Variants in TMEM168 observed in about 807,000 individuals in gnomAD.
TMEM168 encodes transmembrane protein 168.
TMEM168 carries 40 observed loss-of-function variants against 53.2 expected under a neutral mutation model. That is an observed-to-expected ratio of 0.75 (90% confidence interval 0.58 to 0.98). The LOEUF is 0.98. Ranked by LOEUF, TMEM168 falls within the 50% of genes least tolerant of loss-of-function variation. TMEM168 has a pLI of 0.00. For synonymous variants in TMEM168, 282 were observed against 293.0 expected (o/e 0.96, Z 0.38); for missense variants, 771 against 828.8 (o/e 0.93, Z 0.86).
chr7:112,774,161 G>T (rs983565114), intron 3 of TMEM168, among the ~76,000 whole-genome samples: 3 of 152,040 alleles, frequency 2.0e-5, no homozygotes, highest in South Asian at 2.1e-4. Context: ...TTATGGCAAA[G>T]AATTATTTTA....
At chr7:112,781,160 A>G (rs886607641) in intron 2 of TMEM168, among the ~76,000 whole-genome samples, 1 of 152,098 alleles carries the variant, frequency 6.6e-6, no homozygotes, top group African/African-American at 2.4e-5. Flanking sequence ...AAGCAAGTAG[A>G]CAATTCAGGA....
Position 112,767,190 on chromosome 7 carries a change from G to GA in TMEM168, c.*6_*7insT, listed in dbSNP as rs1562858798. ...GTGCTTATTAATATCCCGCTTTGGG[G>GA]TCCAAATTAAGATTTGACAAGTTTG... On this transcript the variant is annotated 3_prime_UTR_variant, in exon 5 of 5. Coordinates refer to ENST00000312814, the MANE Select transcript of TMEM168 (RefSeq NM_022484.6). 2 of 1,603,154 alleles carry GA rather than the reference G, an allele frequency of 1.2e-6. No individual in the cohort carries two copies. The highest frequency in any genetic ancestry group is 1.7e-6 in the Non-Finnish European group (2 of 1,174,934).
At chr7:112,785,273 GC>G (rs1793347697) in intron 1 of TMEM168, among the ~76,000 whole-genome samples, 1 of 152,144 alleles carries the variant, frequency 6.6e-6, no homozygotes, top group African/African-American at 2.4e-5. Context: ...TGAAATGTTC[GC>G]TTTAGCTTAG....
intron 2 of TMEM168, 96 bp downstream of exon 2, chr7:112,783,602 G>T: frequency 1.6e-6 from 2 of 1,215,356 alleles, no homozygotes; most frequent in Non-Finnish European, 2.2e-6. Flanking sequence ...ATATCCTTTT[G>T]AAATCAGGAA....
intron 2 of TMEM168, among the ~76,000 whole-genome samples, chr7:112,781,285 T>C (rs1793225438): frequency 6.6e-6 from 1 of 152,176 alleles, no homozygotes; most frequent in Non-Finnish European, 1.5e-5. Flanking sequence ...ATATTTATAG[T>C]ACACTGTACC....
At chr7:112,782,085 C>T (rs1793247149) in intron 2 of TMEM168, among the ~76,000 whole-genome samples, 1 of 152,076 alleles carries the variant, frequency 6.6e-6, no homozygotes, top group Non-Finnish European at 1.5e-5. Flanking sequence ...AATATTTAAA[C>T]AACAAAGTAA....
intron 3 of TMEM168, 35 bp downstream of exon 3, chr7:112,775,141 G>A: frequency 6.6e-7 from 1 of 1,522,430 alleles, no homozygotes; most frequent in Non-Finnish European, 8.8e-7. Flanking sequence ...GTTATGAAGT[G>A]AATAGTTATC....
intron 4 of TMEM168, among the ~76,000 whole-genome samples, chr7:112,769,133 G>T (rs1183832257): frequency 6.6e-6 from 1 of 152,168 alleles, no homozygotes; most frequent in Non-Finnish European, 1.5e-5. Context: ...GACACCACCA[G>T]AGAGAGAATC....
At position 112,775,232 on chromosome 7, in the gene TMEM168, G is replaced by C; in HGVS notation, c.1215C>G (p.Asn405Lys). 6.2e-6 allele frequency: 10 copies of C among 1,613,736 alleles called. No individual in the cohort carries two copies. The highest frequency in any genetic ancestry group is 8.5e-6 in the Non-Finnish European group (10 of 1,179,868). The change falls in exon 3 of 5, where the codon AAC (asparagine) becomes AAG (lysine). Residue 405 changes from asparagine (N) to lysine (K), a missense_variant. Physicochemically the swap from Asn to Lys is moderately conservative, Grantham distance 94. Transcript: ENST00000312814. ...ATCCAACAGATGTTCCTCCTAAACAGTTACCCAATTCATGGAAGAGCCCAT... is the reference window on the plus strand; with the variant it reads ...ATCCAACAGATGTTCCTCCTAAACACTTACCCAATTCATGGAAGAGCCCAT... ...MAHGLFHELG[N>K]CLGGTSVGYA...
chr7:112,767,890 T>G (rs1228675709), intron 4 of TMEM168, 146 bp from the exon 5 acceptor site: 3 of 628,574 alleles, frequency 4.8e-6, no homozygotes, highest in Non-Finnish European at 7.7e-6. Context: ...AGCAAAAAAA[T>G]AAAGTATTTA....
chr7:112,781,100 A>G (rs1426716834), intron 2 of TMEM168, among the ~76,000 whole-genome samples: 1 of 152,032 alleles, frequency 6.6e-6, no homozygotes, highest in Non-Finnish European at 1.5e-5. Flanking sequence ...TACCTCTAGG[A>G]ACAGTGCTTC....
rs755007793 is a variant in TMEM168 at position 112,773,061 on chromosome 7, G to A, written c.1272-6C>T. 3 of 1,586,034 alleles carry A rather than the reference G, an allele frequency of 1.9e-6. No individual in the cohort carries two copies. The East Asian group carries it at 6.8e-5, about 36-fold the overall frequency. The stretch of plus-strand genomic sequence containing the variant: ...GTGTTGGCTGACCATCAGGACTGAA[G>A]TAGGAGAAAAAACAAGAAGTACTCA... On this transcript the variant is annotated splice_polypyrimidine_tract_variant and splice_region_variant and intron_variant, in intron 3 of 4. Transcript: ENST00000312814.
At chr7:112,774,359 AT>A (rs558123531) in intron 3 of TMEM168, among the ~76,000 whole-genome samples, 1,208 of 94,248 alleles carry the variant, frequency 0.013, 5 homozygotes, top group African/African-American at 0.029. Flanking sequence ...GTGTTTTTAC[AT>A]TTTTTTTTTT....
At chr7:112,780,954 A>C (rs185915568) in intron 2 of TMEM168, among the ~76,000 whole-genome samples, 5 of 151,670 alleles carry the variant, frequency 3.3e-5, no homozygotes, top group East Asian at 1.9e-4. Context: ...AAAAAAAAAA[A>C]AAAAAAAAAA....
rs138251863 is a variant in TMEM168, at chr7:112,775,217, T to A, written c.1230A>T (p.Thr410=). ...GAATCACAATAGCATATCCAACAGA[T>A]GTTCCTCCTAAACAGTTACCCAATT... ...FHELGNCLGG[T]SVGYAIVIPT... The change falls in exon 3 of 5, where the codon ACA becomes ACT. Residue 410 remains threonine (T), a synonymous_variant. Coordinates refer to ENST00000312814, the MANE Select transcript of TMEM168 (RefSeq NM_022484.6). The A allele has an allele frequency of 5.0e-6, 8 of 1,613,600 alleles. No individual in the cohort carries two copies. Among genetic ancestry groups the A allele is most frequent in the Non-Finnish European group, 5.9e-6 (7 of 1,179,820 alleles).
intron 3 of TMEM168, among the ~76,000 whole-genome samples, chr7:112,774,823 C>T (rs530667797): frequency 1.7e-3 from 260 of 151,982 alleles, no homozygotes; most frequent in African/African-American, 5.1e-3. Context: ...TCAGGTGATC[C>T]GCCCGCCTCG....
chr7:112,768,405 CATT>C (rs1792843375), intron 4 of TMEM168, among the ~76,000 whole-genome samples: 2 of 152,070 alleles, frequency 1.3e-5, no homozygotes, highest in South Asian at 2.1e-4. Flanking sequence ...CATTCTGTAT[CATT>C]GTTTCCTTCT....
chr7:112,767,100 G>A lies in TMEM168; in HGVS notation c.*97C>T. 8.2e-7 allele frequency: 1 copy of A among 1,214,666 alleles called. No homozygotes were observed. The highest frequency in any genetic ancestry group is 1.1e-6 in the Non-Finnish European group (1 of 877,224). The allele number at this position is 1,214,666 out of a possible 1,614,324, so 75.2% of individuals were successfully genotyped here. A position where few individuals can be genotyped will look rare whatever the true frequency, so the allele number is the denominator to read the frequency against. ...TGAGAGCAGCTACAGAAGTAGCAAGGTATTTTCCACAAATAAAAATACAGC... is the reference window on the plus strand; with the variant it reads ...TGAGAGCAGCTACAGAAGTAGCAAGATATTTTCCACAAATAAAAATACAGC... On this transcript the variant is annotated 3_prime_UTR_variant, in exon 5 of 5. Transcript: ENST00000312814.
chr7:112,782,028 C>T (rs1358959224), intron 2 of TMEM168, among the ~76,000 whole-genome samples: 1 of 152,176 alleles, frequency 6.6e-6, no homozygotes, highest in Admixed American at 6.5e-5. Flanking sequence ...ATATAAGGAA[C>T]TCTTAAAAGA....
Sources: allele counts gnomAD v4.1 joint callset (sites outside exome capture counted in the v4.1 genomes callset), GRCh38; gene constraint gnomAD v4.1.1; transcripts MANE v1.5; gene names NCBI Gene and HGNC (gene_info 2026-07-23, HGNC 2026-07-21).